Variants in AKR1C1 observed in about 807,000 individuals in gnomAD.
The protein encoded by AKR1C1 is 20 alpha-hydroxysteroid dehydrogenase.
A neutral mutation model predicts 40.6 loss-of-function variants in AKR1C1; 32 were observed. That is an observed-to-expected ratio of 0.79 (90% CI 0.60 to 1.06). AKR1C1 has a LOEUF of 1.06. Ranked by LOEUF, AKR1C1 falls within the 50% of genes least tolerant of loss-of-function variation. AKR1C1 has a pLI of 0.00. For synonymous variants in AKR1C1, 105 were observed against 134.2 expected (o/e 0.78, Z 1.50); for missense variants, 320 against 363.5 (o/e 0.88, Z 0.97).
chr10:4,973,529 G>A (rs191493767), intron 7 of AKR1C1, among the ~76,000 whole-genome samples: 3 of 152,282 alleles, frequency 2.0e-5, no homozygotes, highest in East Asian at 3.9e-4. Context: ...GAGTGGACAT[G>A]TGCAAAGCCT....
chr10:4,977,455 A>G (rs1407941063), intron 8 of AKR1C1, among the ~76,000 whole-genome samples: 2 of 152,238 alleles, frequency 1.3e-5, no homozygotes, highest in East Asian at 3.8e-4. Context: ...ATGTTTGAAC[A>G]TTTCACTTTG....
Position 4,982,396 on chromosome 10 carries a change from G to A in AKR1C1, c.*4654G>A, listed in dbSNP as rs1836633225. 7.2e-6 allele frequency: 1 copy of A among 139,236 alleles called. No individual in the cohort carries two copies. The highest frequency in any genetic ancestry group is 2.3e-4 in the South Asian group (1 of 4,380). 8.6% of individuals were successfully genotyped at this position (139,236 alleles called of 1,614,324 possible). ...CTGGACAGCCCAGCTACAATTGTCT[G>A]AGAACTCACTGCAAGCTGTAAGCGG... is the stretch of plus-strand genomic sequence containing the variant. On this transcript the variant is annotated 3_prime_UTR_variant, in exon 9 of 9. Transcript: ENST00000380872.
chr10:4,965,859 GAACT>G lies in AKR1C1; in HGVS notation c.85-50_85-47del, dbSNP rs1290858349. On this transcript the variant is annotated intron_variant, in intron 1 of 8. Coordinates refer to ENST00000380872, the MANE Select transcript of AKR1C1 (RefSeq NM_001353.6). ...TTTGTGAACGTCGCTACTTGTGCCT[GAACT>G]AACTCTCAGGCACATTAGTCAGAAA... The G allele has an allele frequency of 3.8e-6, 6 of 1,572,612 alleles. No homozygotes were observed. The Admixed American group carries it at 5.7e-5, about 15-fold the overall frequency.
chr10:4,973,183 G>A (rs1554770086), intron 7 of AKR1C1, among the ~76,000 whole-genome samples: 2 of 149,880 alleles, frequency 1.3e-5, no homozygotes, highest in Non-Finnish European at 3.0e-5. Flanking sequence ...TTTTTGGCGA[G>A]GTGGTTGTGT....
rs1398376850 is a variant in AKR1C1, at chr10:4,979,587, C to G, written c.*1845C>G. On this transcript the variant is annotated 3_prime_UTR_variant, in exon 9 of 9. Transcript: ENST00000380872. The stretch of plus-strand genomic sequence containing the variant: ...AGTGTGTAACGCTTAAGCAAACTTT[C>G]ATATTTCAAATCTCTTTAGCAAGTG... 1 of 152,154 alleles carries G rather than the reference C, an allele frequency of 6.6e-6. No homozygotes were observed. The highest frequency in any genetic ancestry group is 6.5e-5 in the Admixed American group (1 of 15,278). 9.4% of individuals were successfully genotyped at this position (152,154 alleles called of 1,614,324 possible).
At chr10:4,971,712 G>C (rs1443101853) in intron 5 of AKR1C1, among the ~76,000 whole-genome samples, 1 of 150,948 alleles carries the variant, frequency 6.6e-6, no homozygotes, top group Non-Finnish European at 1.5e-5. Flanking sequence ...ATATTTTCTA[G>C]TTCATCTATA....
intron 7 of AKR1C1, among the ~76,000 whole-genome samples, chr10:4,973,116 T>C (rs187786848): frequency 0.084 from 12,561 of 150,206 alleles, 88 homozygotes; most frequent in Non-Finnish European, 0.11. Flanking sequence ...AAATTCCTTA[T>C]ATTTATTCTC....
At chr10:4,970,924 A>G (rs1212234850) in intron 5 of AKR1C1, among the ~76,000 whole-genome samples, 1 of 152,058 alleles carries the variant, frequency 6.6e-6, no homozygotes, top group Non-Finnish European at 1.5e-5. Flanking sequence ...ACTAACCTGC[A>G]CAATGTGCAC....
chr10:4,982,033 G>C lies in AKR1C1; in HGVS notation c.*4291G>C, dbSNP rs1357464009. ...TAGGTGCTGGGTGAGGCTCACTGTG[G>C]GGGGCGCACGGCAAGCTATTCAACA... On this transcript the variant is annotated 3_prime_UTR_variant, in exon 9 of 9. Coordinates refer to ENST00000380872, the MANE Select transcript of AKR1C1 (RefSeq NM_001353.6). The C allele has an allele frequency of 6.7e-6, 1 of 150,004 alleles. No individual in the cohort carries two copies. Among genetic ancestry groups the C allele is most frequent in the Non-Finnish European group, 1.5e-5 (1 of 66,462 alleles). The allele number at this position is 150,004 out of a possible 1,614,324, so 9.3% of individuals were successfully genotyped here. A position where few individuals can be genotyped will look rare whatever the true frequency, so the allele number is the denominator to read the frequency against.
Position 4,966,919 on chromosome 10 carries a change from C to G in AKR1C1, c.253-8C>G. 3.7e-6 allele frequency: 6 copies of G among 1,609,312 alleles called. No homozygotes were observed. The highest frequency in any genetic ancestry group is 2.2e-5 in the East Asian group (1 of 44,732). On this transcript the variant is annotated splice_region_variant and splice_polypyrimidine_tract_variant and intron_variant, in intron 2 of 8. Coordinates refer to ENST00000380872, the MANE Select transcript of AKR1C1 (RefSeq NM_001353.6). ...CATTACACAACTTCCTTTCTCTAAC[C>G]TCTGCAGCTTTGGTGCAATTCCCAT...
chr10:4,973,976 T>C (rs575335861), intron 7 of AKR1C1, among the ~76,000 whole-genome samples: 1 of 151,450 alleles, frequency 6.6e-6, no homozygotes, highest in South Asian at 2.1e-4. Context: ...CATGTATATG[T>C]ATATGTGTCA....
chr10:4,965,896 C>A lies in AKR1C1; in HGVS notation c.85-18C>A. On this transcript the variant is annotated intron_variant, in intron 1 of 8. Transcript: ENST00000380872. ...AGGCACATTAGTCAGAAAATACTAC[C>A]TATGGTTACTCCCCCAGGTTCCTAA... 1.2e-6 allele frequency: 2 copies of A among 1,610,054 alleles called. No individual in the cohort carries two copies. The highest frequency in any genetic ancestry group is 1.7e-6 in the Non-Finnish European group (2 of 1,178,488).
Position 4,978,015 on chromosome 10 carries a change from G to A in AKR1C1, c.*273G>A. ...TTTTCTTTCCTTCTGACACACTAGT[G>A]CCCCTAAATTGTGATTTGCCTATAC... On this transcript the variant is annotated 3_prime_UTR_variant, in exon 9 of 9. Transcript: ENST00000380872. The A allele has an allele frequency of 2.0e-6, 1 of 496,418 alleles. No homozygotes were observed. The highest frequency in any genetic ancestry group is 3.6e-6 in the Non-Finnish European group (1 of 280,930). The allele number at this position is 496,418 out of a possible 1,614,324, so 30.8% of individuals were successfully genotyped here.
intron 5 of AKR1C1, chr10:4,969,852 G>T (rs1344473183): frequency 5.1e-6 from 5 of 982,338 alleles, no homozygotes; most frequent in Non-Finnish European, 6.0e-6. Flanking sequence ...AATCAGTGAA[G>T]ATCTACAGTG....
chr10:4,981,638 A>G lies in AKR1C1; in HGVS notation c.*3896A>G, dbSNP rs1554771115. 2 of 152,300 alleles carry G rather than the reference A, an allele frequency of 1.3e-5. No homozygotes were observed. Among genetic ancestry groups the G allele is most frequent in the Non-Finnish European group, 2.9e-5 (2 of 68,064 alleles). The allele number at this position is 152,300 out of a possible 1,614,324, so 9.4% of individuals were successfully genotyped here. Reference sequence around the variant, plus strand: ...CTCAGGCACAATCCTACTCCATGAAATAAGAAAAAACCATCACATCCCCAG... The same window carrying G: ...CTCAGGCACAATCCTACTCCATGAAGTAAGAAAAAACCATCACATCCCCAG... On this transcript the variant is annotated 3_prime_UTR_variant, in exon 9 of 9. Coordinates refer to ENST00000380872, the MANE Select transcript of AKR1C1 (RefSeq NM_001353.6).
chr10:4,964,889 C>A (rs1836307335), intron 1 of AKR1C1, among the ~76,000 whole-genome samples: 1 of 152,220 alleles, frequency 6.6e-6, no homozygotes, highest in African/African-American at 2.4e-5. Context: ...GCCTGTTTCC[C>A]ATATAAACCT....
In AKR1C1 at chr10:4,980,627, C is replaced by T. The variant is rs1264723399; in HGVS notation, c.*2885C>T. ...TGCTCATCCATAAGAAACACTTCTC[C>T]TTTGTTAAAATTACATCATGAGATT... is the stretch of plus-strand genomic sequence containing the variant. On this transcript the variant is annotated 3_prime_UTR_variant, in exon 9 of 9. Transcript: ENST00000380872. The T allele has an allele frequency of 4.7e-5, 7 of 149,958 alleles. No individual in the cohort carries two copies. The highest frequency in any genetic ancestry group is 1.7e-4 in the African/African-American group (7 of 41,050). 9.3% of individuals were successfully genotyped at this position (149,958 alleles called of 1,614,324 possible).
intron 2 of AKR1C1, among the ~76,000 whole-genome samples, chr10:4,966,566 C>G (rs1171463135): frequency 1.3e-5 from 2 of 152,202 alleles, no homozygotes; most frequent in Non-Finnish European, 2.9e-5. Flanking sequence ...AGTTTCTAAA[C>G]CACAAAGATA....
Position 4,966,072 on chromosome 10 carries a change from C to T in AKR1C1, c.243C>T (p.Tyr81=), listed in dbSNP as rs1564314886. ...DGSVKREDIF[Y]TSKLWCNSHR... is the part of the protein sequence containing the mutation. ...GTGTGAAGAGAGAAGACATATTCTA[C>T]ACTTCAAAGGTACTGTGCCTATGAT... Residue 81 remains tyrosine, a synonymous_variant, in exon 2 of 9, where the codon TAC becomes TAT. Transcript: ENST00000380872. 1 of 1,613,262 alleles carries T rather than the reference C, an allele frequency of 6.2e-7. No individual in the cohort carries two copies. Among genetic ancestry groups the T allele is most frequent in the African/African-American group, 1.3e-5 (1 of 74,920 alleles).
Sources: allele counts gnomAD v4.1 joint callset (sites outside exome capture counted in the v4.1 genomes callset), GRCh38; gene constraint gnomAD v4.1.1; transcripts MANE v1.5; gene names NCBI Gene and HGNC (gene_info 2026-07-23, HGNC 2026-07-21).